Variants in CFAP54 observed in about 807,000 individuals in gnomAD.
The protein encoded by CFAP54 is cilia- and flagella-associated protein 54.
CFAP54 carries 290 observed loss-of-function variants against 370.4 expected under a neutral mutation model. That is an observed-to-expected ratio of 0.78 (90% CI 0.71 to 0.86). CFAP54 has a LOEUF of 0.86. Ranked by LOEUF, CFAP54 falls within the 40% of genes least tolerant of loss-of-function variation. The pLI, the probability that CFAP54 is intolerant of heterozygous loss-of-function variation, is 0.00. For missense variants in CFAP54, 3,399 were observed against 3,528.7 expected (o/e 0.96, Z 0.93); for synonymous variants, 1,206 against 1,236.5 (o/e 0.98, Z 0.52).
chr12:96,768,964 C>T (rs1358505560), intron 60 of CFAP54, among the ~76,000 whole-genome samples: 6 of 152,164 alleles, frequency 3.9e-5, no homozygotes, highest in Non-Finnish European at 7.4e-5. Context: ...GACTATAGAT[C>T]ATCCTGCCAG....
At chr12:96,553,998 A>G (rs1955725588) in intron 15 of CFAP54, among the ~76,000 whole-genome samples, 184 bp from the exon 16 acceptor site, 1 of 152,166 alleles carries the variant, frequency 6.6e-6, no homozygotes, top group Admixed American at 6.5e-5. Context: ...ATTGTCACCC[A>G]TATTGATAGC....
At chr12:96,643,828 A>G (rs1316876547) in intron 32 of CFAP54, among the ~76,000 whole-genome samples, 1 of 152,154 alleles carries the variant, frequency 6.6e-6, no homozygotes, top group African/African-American at 2.4e-5. Context: ...TTTAATATTG[A>G]ATTTAGTTGA....
Position 96,743,872 on chromosome 12 carries a change from A to T in CFAP54, c.7519A>T (p.Asn2507Tyr), listed in dbSNP as rs898478383. Reference protein sequence around the residue: ...ESPSSKTGKLNLLTRAHSILT... With the variant: ...ESPSSKTGKLYLLTRAHSILT... ...TCCCTCTTCAAAAACAGGAAAATTAAATTTGTTAACTCGGGCTCATAGCAT... is the reference window on the plus strand; with the variant it reads ...TCCCTCTTCAAAAACAGGAAAATTATATTTGTTAACTCGGGCTCATAGCAT... The change falls in exon 54 of 68, where the codon AAT becomes TAT. Residue 2507 changes from asparagine to tyrosine, a missense_variant. Asn to Tyr is a moderately radical substitution (Grantham distance 143). Coordinates refer to ENST00000524981, the MANE Select transcript of CFAP54 (RefSeq NM_001306084.2). The T allele has an allele frequency of 1.2e-6, 2 of 1,613,580 alleles. No homozygotes were observed. The highest frequency in any genetic ancestry group is 2.7e-5 in the African/African-American group (2 of 74,882).
In CFAP54 at chr12:96,691,277, A is replaced by G; in HGVS notation, c.6231A>G (p.Ile2077Met). ...CSVIASLYYI[I>M]RELHFVRQNL... is the part of the protein sequence containing the mutation. ...TAATTGCAAGTCTGTATTACATTAT[A>G]CGTGAACTGCACTTTGTTAGGCAAA... The change falls in exon 44 of 68, where the codon ATA becomes ATG. Residue 2077 changes from isoleucine to methionine, a missense_variant. Coordinates refer to ENST00000524981, the MANE Select transcript of CFAP54 (RefSeq NM_001306084.2). The G allele has an allele frequency of 6.2e-7, 1 of 1,601,844 alleles. No homozygotes were observed.
chr12:96,549,056 A>G (rs1955668522), intron 15 of CFAP54, among the ~76,000 whole-genome samples: 1 of 152,106 alleles, frequency 6.6e-6, no homozygotes, highest in Admixed American at 6.6e-5. Context: ...GGGTTTCACC[A>G]TGTTAGCCAG....
chr12:96,700,038 G>GA lies in CFAP54; in HGVS notation c.6425dup (p.Asn2142LysfsTer11), dbSNP rs752015680. ...TATGAGATATCCCAAATTTTCTATG[G>GA]AAAAAACATGCCTTGTCCAATACCT... On this transcript the variant is annotated frameshift_variant, in exon 46 of 68. Transcript: ENST00000524981. LOFTEE classifies it high-confidence loss of function. The GA allele has an allele frequency of 1.9e-6, 3 of 1,609,396 alleles. No individual in the cohort carries two copies. Among genetic ancestry groups the GA allele is most frequent in the African/African-American group, 1.3e-5 (1 of 74,678 alleles).
chr12:96,747,046 G>C (rs529189218), intron 55 of CFAP54, among the ~76,000 whole-genome samples: 14 of 152,240 alleles, frequency 9.2e-5, no homozygotes, highest in African/African-American at 3.4e-4. Context: ...TTACTTGCTT[G>C]TTTGAAGCCT....
chr12:96,849,525 C>T (rs956667593), intron 66 of CFAP54, among the ~76,000 whole-genome samples: 1 of 152,100 alleles, frequency 6.6e-6, no homozygotes, highest in African/African-American at 2.4e-5. Context: ...TGAGAAAAAT[C>T]GTAGATTCTT....
chr12:96,757,451 G>T (rs1650134738), intron 57 of CFAP54, 44 bp from the exon 58 acceptor site: 1 of 1,106,400 alleles, frequency 9.0e-7, no homozygotes, highest in Non-Finnish European at 1.3e-6. Flanking sequence ...CAATGATTAT[G>T]CATGGTGAAG....
At chr12:96,627,850 C>T (rs1176116093) in intron 30 of CFAP54, among the ~76,000 whole-genome samples, 1 of 152,116 alleles carries the variant, frequency 6.6e-6, no homozygotes, top group Non-Finnish European at 1.5e-5. Context: ...ACAGAAGATA[C>T]TTTCAGTGTA....
intron 52 of CFAP54, 94 bp downstream of exon 52, chr12:96,742,680 T>C: frequency 8.1e-7 from 1 of 1,242,010 alleles, no homozygotes; most frequent in Non-Finnish European, 1.1e-6. Flanking sequence ...TGTTAATGTT[T>C]TATAACTTTC....
chr12:96,812,919 C>T (rs934421822), intron 64 of CFAP54, among the ~76,000 whole-genome samples: 1 of 151,944 alleles, frequency 6.6e-6, no homozygotes, highest in Non-Finnish European at 1.5e-5. Flanking sequence ...CCCTCCACTC[C>T]TCTCCTCTTT....
Position 96,500,920 on chromosome 12 carries a change from A to G in CFAP54, c.404A>G (p.Asp135Gly), listed in dbSNP as rs1955018632. 2 of 1,535,104 alleles carry G rather than the reference A, an allele frequency of 1.3e-6. No homozygotes were observed. The highest frequency in any genetic ancestry group is 2.4e-5 in the East Asian group (1 of 40,886). ...YYNEKLLKVG[D>G]SLCQMKEYKL... ...AACGAAAAGCTTCTGAAGGTTGGAG[A>G]TAGCCTTTGTCAAATGAAAGTAAGT... is the stretch of plus-strand genomic sequence containing the variant. Residue 135 changes from aspartate to glycine, a missense_variant, in exon 2 of 68, where the codon GAT becomes GGT. By Grantham distance (94) the Asp-to-Gly change is moderately conservative (BLOSUM62 -1). Coordinates refer to ENST00000524981, the MANE Select transcript of CFAP54 (RefSeq NM_001306084.2).
At chr12:96,519,692 T>A (rs1955281707) in intron 6 of CFAP54, among the ~76,000 whole-genome samples, 1 of 152,256 alleles carries the variant, frequency 6.6e-6, no homozygotes, top group Non-Finnish European at 1.5e-5. Flanking sequence ...ACTTATGAGG[T>A]ACAATGTGAT....
rs1271957221 is a variant in CFAP54 at position 96,598,691 on chromosome 12, T to A, written c.3563T>A (p.Val1188Asp). 24 of 681,510 alleles carry A rather than the reference T, an allele frequency of 3.5e-5. No individual in the cohort carries two copies. The highest frequency in any genetic ancestry group is 5.4e-5 in the East Asian group (2 of 36,870). 42.2% of individuals were successfully genotyped at this position (681,510 alleles called of 1,614,324 possible). A position where few individuals can be genotyped will look rare whatever the true frequency, so the allele number is the denominator to read the frequency against. ...IVVLQGLPSIVCSKKHTASFE... is the reference protein window; with the variant it reads ...IVVLQGLPSIDCSKKHTASFE... ...GTTTTGCAAGGACTACCAAGTATTGTCTGCTCGAAGAAACATACTGCGAGC... is the reference window on the plus strand; with the variant it reads ...GTTTTGCAAGGACTACCAAGTATTGACTGCTCGAAGAAACATACTGCGAGC... The change falls in exon 26 of 68, where the codon GTC becomes GAC. Residue 1188 changes from valine (V) to aspartate (D), a missense_variant. Val to Asp is a radical substitution (Grantham distance 152, BLOSUM62 -3). Around this residue, in one of 3 missense-constraint regions of CFAP54, gnomAD observed 2,796 missense variants for 2,869.7 expected, o/e 0.97. Coordinates refer to ENST00000524981, the MANE Select transcript of CFAP54 (RefSeq NM_001306084.2).
intron 60 of CFAP54, among the ~76,000 whole-genome samples, chr12:96,768,235 C>T (rs1958422038): frequency 6.6e-6 from 1 of 152,088 alleles, no homozygotes; most frequent in Non-Finnish European, 1.5e-5. Flanking sequence ...ACAGGAGAAT[C>T]GCTTGAACCC....
chr12:96,641,940 G>GA (rs1193673308), intron 32 of CFAP54, among the ~76,000 whole-genome samples: 8 of 144,912 alleles, frequency 5.5e-5, no homozygotes, highest in Non-Finnish European at 9.2e-5. Context: ...GGGTGGTGCG[G>GA]GGGGGGAGGG....
At chr12:96,493,623 C>T (rs920239080) in intron 1 of CFAP54, among the ~76,000 whole-genome samples, 1 of 152,102 alleles carries the variant, frequency 6.6e-6, no homozygotes, top group Non-Finnish European at 1.5e-5. Flanking sequence ...ATAGTGAAAC[C>T]CTGTCTCTAC....
intron 42 of CFAP54, among the ~76,000 whole-genome samples, chr12:96,686,204 CTG>C (rs796420231): frequency 2.6e-5 from 4 of 152,268 alleles, no homozygotes; most frequent in African/African-American, 9.6e-5. Context: ...AGAAAGGTCA[CTG>C]TGTCCACAGT....
Sources: gnomAD v4.1 joint callset for allele counts (sites outside exome capture counted in the v4.1 genomes callset) on GRCh38, gnomAD v4.1.1 for gene constraint, gnomAD v4.1.1 regional missense constraint, MANE v1.5 for transcripts, NCBI Gene and HGNC (gene_info 2026-07-23, HGNC 2026-07-21) for gene names.